Variants in NTM observed in about 807,000 individuals in gnomAD.
The protein encoded by NTM is IgLON family member 2.
A neutral mutation model predicts 42.1 loss-of-function variants in NTM; 13 were observed. The ratio of observed to expected loss-of-function variants is 0.31; its 90% CI spans 0.20 to 0.49. The LOEUF is 0.49. NTM is among the 20% of genes least tolerant of loss of function. The probability of loss-of-function intolerance (pLI) is 0.99; values close to 1 mark genes in which losing one functional copy is unlikely to be tolerated. For missense variants in NTM, 373 were observed against 452.8 expected, an observed-to-expected ratio of 0.82 and a Z score of 1.60; for synonymous variants, 187 against 179.2, an observed-to-expected ratio of 1.04 and a Z score of -0.35.
intron 1 of NTM, among the ~76,000 whole-genome samples, chr11:131,750,243 C>A (rs12809042): frequency 0.2 from 30,187 of 151,410 alleles, 4,375 homozygotes; most frequent in African/African-American, 0.42. Flanking sequence ...CCACCTTTGT[C>A]CAGGATCTAC....
intron 1 of NTM, among the ~76,000 whole-genome samples, chr11:131,704,518 G>T (rs1334588381): frequency 6.6e-6 from 1 of 152,164 alleles, no homozygotes; most frequent in African/African-American, 2.4e-5. Context: ...GTAAAAACTG[G>T]AAAAGATGCC....
intron 1 of NTM, among the ~76,000 whole-genome samples, chr11:131,879,048 T>C (rs1052146110): frequency 2.0e-5 from 3 of 152,158 alleles, no homozygotes; most frequent in African/African-American, 7.2e-5. Context: ...AATGGCTCTT[T>C]TTCCTTTCTG....
At chr11:131,825,219 A>T (rs542053061) in intron 1 of NTM, among the ~76,000 whole-genome samples, 11 of 152,052 alleles carry the variant, frequency 7.2e-5, no homozygotes, top group Admixed American at 7.2e-4. Context: ...CTGTGCCCAA[A>T]TCTCCCCTTT....
chr11:131,712,359 G>C (rs2077263842), intron 1 of NTM, among the ~76,000 whole-genome samples: 1 of 151,942 alleles, frequency 6.6e-6, no homozygotes, highest in Non-Finnish European at 1.5e-5. Context: ...GCTGCTGTTA[G>C]CTGTAAGAAC....
chr11:131,711,470 G>A (rs1182341732), intron 1 of NTM, among the ~76,000 whole-genome samples: 2 of 152,168 alleles, frequency 1.3e-5, no homozygotes, highest in Non-Finnish European at 2.9e-5. Context: ...TCATTAAAAA[G>A]TCAGGAAACA....
intron 1 of NTM, among the ~76,000 whole-genome samples, chr11:131,644,310 A>G (rs1166338703): frequency 6.6e-6 from 1 of 152,170 alleles, no homozygotes; most frequent in African/African-American, 2.4e-5. Context: ...ATTATACCTA[A>G]ATAGGTGATC....
At chr11:131,796,120 A>G in intron 1 of NTM, 2 of 985,434 alleles carry the variant, frequency 2.0e-6, no homozygotes, top group Non-Finnish European at 2.4e-6. Context: ...GGAACTGGCC[A>G]CAGGAAGTTG....
At chr11:132,310,274 C>G in intron 6 of NTM, 42 bp downstream of exon 6, 1 of 1,525,092 alleles carries the variant, frequency 6.6e-7, no homozygotes, top group Non-Finnish European at 8.8e-7. Context: ...ACCCCCATCT[C>G]CAGGAGAAAC....
At chr11:132,309,723 G>A (rs932304409) in intron 5 of NTM, among the ~76,000 whole-genome samples, 1 of 152,132 alleles carries the variant, frequency 6.6e-6, no homozygotes, top group African/African-American at 2.4e-5. Context: ...AGCCAGGGCA[G>A]AGACTGAGAA....
At chr11:131,407,457 C>T (rs1049635136) in intron 1 of NTM, among the ~76,000 whole-genome samples, 2 of 152,144 alleles carry the variant, frequency 1.3e-5, no homozygotes, top group Non-Finnish European at 2.9e-5. Context: ...ACTCAAAATC[C>T]CAGTGACTAA....
intron 1 of NTM, among the ~76,000 whole-genome samples, chr11:131,788,265 T>G (rs899094268): frequency 7.9e-5 from 12 of 152,082 alleles, no homozygotes; most frequent in Admixed American, 5.9e-4. Context: ...TTTTATGAAC[T>G]ATGCCAACTT....
At chr11:132,274,559 C>T (rs2093632318) in intron 4 of NTM, among the ~76,000 whole-genome samples, 1 of 151,990 alleles carries the variant, frequency 6.6e-6, no homozygotes, top group Non-Finnish European at 1.5e-5. Flanking sequence ...TTGTTAGGTT[C>T]ATGTATTTCT....
intron 2 of NTM, among the ~76,000 whole-genome samples, chr11:132,041,897 T>A (rs1418989297): frequency 6.6e-6 from 1 of 152,164 alleles, no homozygotes; most frequent in East Asian, 1.9e-4. Context: ...ATTGAGAAGG[T>A]CAAATAAGTG....
At chr11:131,869,841 C>T (rs573222458) in intron 1 of NTM, among the ~76,000 whole-genome samples, 92 of 152,326 alleles carry the variant, frequency 6.0e-4, no homozygotes, top group Non-Finnish European at 9.7e-4. Context: ...TGAACAGTTA[C>T]TGCTCTGTGA....
At chr11:131,427,384 G>C (rs761585499) in intron 1 of NTM, among the ~76,000 whole-genome samples, 1 of 152,088 alleles carries the variant, frequency 6.6e-6, no homozygotes, top group South Asian at 2.1e-4. Context: ...AATAAGTATA[G>C]CTTCTCAGTT....
At chr11:131,514,020 A>T (rs2048582635) in intron 1 of NTM, among the ~76,000 whole-genome samples, 1 of 152,122 alleles carries the variant, frequency 6.6e-6, no homozygotes, top group South Asian at 2.1e-4. Flanking sequence ...CCTTGGCCTA[A>T]GGCTTCACCA....
intron 2 of NTM, among the ~76,000 whole-genome samples, chr11:132,004,369 G>T (rs1166355501): frequency 6.6e-6 from 1 of 152,190 alleles, no homozygotes; most frequent in East Asian, 1.9e-4. Flanking sequence ...AGTAGAAGCT[G>T]GTTTCCAGCA....
At chr11:131,514,034 G>T (rs968630904) in intron 1 of NTM, among the ~76,000 whole-genome samples, 14 of 152,210 alleles carry the variant, frequency 9.2e-5, no homozygotes, top group African/African-American at 3.4e-4. Flanking sequence ...TTCACCAGGA[G>T]AAATTATTAT....
Position 131,961,299 on chromosome 11 carries a change from G to A in NTM, c.167+49651G>A, listed in dbSNP as rs80331347. Reference sequence around the variant, plus strand: ...TTTCTTGGATCAGCCACTTTCGGGGGCCAAAGCACCCTATTAAGGTGTGTG... The same window carrying A: ...TTTCTTGGATCAGCCACTTTCGGGGACCAAAGCACCCTATTAAGGTGTGTG... On this transcript the variant is annotated intron_variant, in intron 2 of 8. Coordinates refer to ENST00000683400, the MANE Select transcript of NTM (RefSeq NM_001352005.2). Among the ~76,000 whole-genome samples, 775 of 152,250 alleles carry A rather than the reference G, an allele frequency of 5.1e-3. 7 individuals carry two copies. The highest frequency in any genetic ancestry group is 0.018 in the African/African-American group (746 of 41,548).
Sources: gnomAD v4.1 joint callset for allele counts (sites outside exome capture counted in the v4.1 genomes callset) on GRCh38, gnomAD v4.1.1 for gene constraint, MANE v1.5 for transcripts, NCBI Gene and HGNC (gene_info 2026-07-23, HGNC 2026-07-21) for gene names.